DLC1: variants seen among roughly 807,000 people sequenced by gnomAD.
DLC1 encodes the protein rho GTPase-activating protein 7.
Under a neutral mutation model 140.3 loss-of-function variants are expected in DLC1, and 54 were observed. That is an observed-to-expected ratio of 0.38 (90% CI 0.31 to 0.48). DLC1 has a LOEUF of 0.48. Ranked by LOEUF, DLC1 falls within the 20% of genes least tolerant of loss-of-function variation. The pLI is 0.96. For missense variants in DLC1, 2,536 were observed against 1,907.0 expected, an observed-to-expected ratio of 1.33 and a Z score of -6.14; for synonymous variants, 986 against 728.1, an observed-to-expected ratio of 1.35 and a Z score of -5.70.
intron 5 of DLC1, among the ~76,000 whole-genome samples, chr8:13,128,745 G>C (rs1172916666): frequency 6.6e-6 from 1 of 151,850 alleles, no homozygotes; most frequent in African/African-American, 2.4e-5. Flanking sequence ...TGGGGCAGGA[G>C]AATGGCGTGA....
rs78842246 is a variant in DLC1, at chr8:13,548,626, C to T, written c.-125-48430G>A. On this transcript the variant is annotated intron_variant, in intron 1 of 1. Transcript: ENST00000631382. ...CTTTAATAGACTTTAGGAGACTGTCCTTACCCTGATCAGCTCTCATATGGA... is the reference window on the plus strand; with the variant it reads ...CTTTAATAGACTTTAGGAGACTGTCTTTACCCTGATCAGCTCTCATATGGA... Among the ~76,000 whole-genome samples the T allele has an allele frequency of 3.5e-3, 540 of 152,146 alleles. 3 individuals are homozygous for T. The highest frequency in any genetic ancestry group is 0.012 in the African/African-American group (516 of 41,530).
chr8:13,562,390 A>G (rs182801199), intron 1 of DLC1, among the ~76,000 whole-genome samples: 1 of 152,342 alleles, frequency 6.6e-6, no homozygotes, highest in East Asian at 1.9e-4. Context: ...AACAAAATTT[A>G]TATAAAAATA....
At chr8:13,236,096 A>G (rs1456756522) in intron 5 of DLC1, among the ~76,000 whole-genome samples, 1 of 152,064 alleles carries the variant, frequency 6.6e-6, no homozygotes, top group Non-Finnish European at 1.5e-5. Flanking sequence ...TAAAACATTT[A>G]AAACTACATA....
At position 13,149,328 on chromosome 8, in the gene DLC1, A is replaced by C. The variant is rs547571022; in HGVS notation, c.1349-33671T>G. Among the ~76,000 whole-genome samples the C allele has an allele frequency of 5.3e-5, 8 of 152,074 alleles. No individual in the cohort carries two copies. In the South Asian group the frequency reaches 1.7e-3, roughly 32 times the overall value. ...ATTTCTCTGAAATTTTAAAACGGCA[A>C]CTCTGGTGCCTCATTGTATTCTGGG... is the stretch of plus-strand genomic sequence containing the variant. On this transcript the variant is annotated intron_variant, in intron 5 of 17. Coordinates refer to ENST00000276297, the MANE Select transcript of DLC1 (RefSeq NM_182643.3).
intron 15 of DLC1, among the ~76,000 whole-genome samples, chr8:13,089,680 G>A (rs902948433): frequency 6.6e-6 from 1 of 152,120 alleles, no homozygotes; most frequent in Admixed American, 6.6e-5. Flanking sequence ...CATTTCCAAA[G>A]CCGGCAAGGC....
intron 5 of DLC1, among the ~76,000 whole-genome samples, chr8:13,179,805 A>C (rs928088537): frequency 7.9e-5 from 12 of 152,112 alleles, no homozygotes; most frequent in African/African-American, 2.9e-4. Flanking sequence ...AAAGAAATAG[A>C]TATTAAACTA....
chr8:13,474,086 C>T (rs897190509), intron 2 of DLC1, among the ~76,000 whole-genome samples: 14 of 152,188 alleles, frequency 9.2e-5, no homozygotes, highest in African/African-American at 3.4e-4. Context: ...ATGGCAGCCC[C>T]TCCCATCAAT....
chr8:13,513,236 C>A (rs57097928), intron 1 of DLC1, among the ~76,000 whole-genome samples: 4,246 of 152,140 alleles, frequency 0.028, 205 homozygotes, highest in African/African-American at 0.089. Context: ...AGGAGACCAT[C>A]TCTTATGTTC....
chr8:13,135,364 G>C (rs977119145), intron 5 of DLC1, among the ~76,000 whole-genome samples: 1 of 152,044 alleles, frequency 6.6e-6, no homozygotes, highest in East Asian at 1.9e-4. Context: ...TGTATTTTTA[G>C]TAGAGACAGG....
At chr8:13,281,791 T>C (rs1563221809) in intron 5 of DLC1, among the ~76,000 whole-genome samples, 1 of 152,232 alleles carries the variant, frequency 6.6e-6, no homozygotes, top group Non-Finnish European at 1.5e-5. Context: ...CCTTTTCTTC[T>C]TGAGTCATGT....
chr8:13,575,779 A>G (rs1339445685), intron 1 of DLC1, among the ~76,000 whole-genome samples: 1 of 152,188 alleles, frequency 6.6e-6, no homozygotes, highest in Non-Finnish European at 1.5e-5. Context: ...AGAGCCCAGC[A>G]TTGTGTATTT....
At chr8:13,534,832 C>G (rs1803218212) in intron 1 of DLC1, among the ~76,000 whole-genome samples, 1 of 152,150 alleles carries the variant, frequency 6.6e-6, no homozygotes, top group Admixed American at 6.5e-5. Context: ...TACTCTTGCA[C>G]CACTTCATGA....
intron 5 of DLC1, among the ~76,000 whole-genome samples, chr8:13,189,113 T>C (rs1477891867): frequency 6.6e-6 from 1 of 152,010 alleles, no homozygotes; most frequent in Non-Finnish European, 1.5e-5. Context: ...TTAAAAGACA[T>C]AGTTTTTCAT....
chr8:13,549,912 A>G (rs916241062), intron 1 of DLC1, among the ~76,000 whole-genome samples: 3 of 152,246 alleles, frequency 2.0e-5, no homozygotes, highest in South Asian at 4.2e-4. Flanking sequence ...TTGTTTACAA[A>G]CTACACGTGA....
At chr8:13,266,896 G>A (rs1180449936) in intron 5 of DLC1, among the ~76,000 whole-genome samples, 2 of 152,180 alleles carry the variant, frequency 1.3e-5, no homozygotes, top group Admixed American at 6.5e-5. Flanking sequence ...TTTGGGTTTG[G>A]CTTCATCGCC....
intron 5 of DLC1, among the ~76,000 whole-genome samples, chr8:13,296,183 T>C (rs1831946461): frequency 6.6e-6 from 1 of 151,976 alleles, no homozygotes; most frequent in African/African-American, 2.4e-5. Flanking sequence ...CTCGAGCTCT[T>C]GGCCTCAAGT....
At chr8:13,141,256 C>CAAAAAAAAAAAAAAAA (rs34321250) in intron 5 of DLC1, among the ~76,000 whole-genome samples, 43 of 63,758 alleles carry the variant, frequency 6.7e-4, no homozygotes, top group East Asian at 1.2e-3. Flanking sequence ...GAGTCTGTCT[C>CAAAAAAAAAAAAAAAA]AAAAAAAAAA....
At chr8:13,160,727 G>A (rs1824625781) in intron 5 of DLC1, among the ~76,000 whole-genome samples, 1 of 152,182 alleles carries the variant, frequency 6.6e-6, no homozygotes, top group African/African-American at 2.4e-5. Context: ...GGTAATGATT[G>A]ATAATATCCT....
chr8:13,528,943 A>G (rs753135728), intron 1 of DLC1, among the ~76,000 whole-genome samples: 15 of 152,174 alleles, frequency 9.9e-5, no homozygotes, highest in Non-Finnish European at 2.1e-4. Flanking sequence ...AGACTGTTCT[A>G]TCACCACCAT....
Sources: allele counts gnomAD v4.1 joint callset (sites outside exome capture counted in the v4.1 genomes callset), GRCh38; gene constraint gnomAD v4.1.1; transcripts MANE v1.5; gene names NCBI Gene and HGNC (gene_info 2026-07-23, HGNC 2026-07-21).